Variants in ADH6 observed in about 807,000 individuals in gnomAD.
ADH6 encodes the protein alcohol dehydrogenase 6.
A neutral mutation model predicts 36.5 loss-of-function variants in ADH6; 34 were observed. The observed-to-expected ratio is 0.93, with a 90% CI of 0.71 to 1.24. The LOEUF is 1.24. Ranked by LOEUF, ADH6 falls within the 50% of genes most tolerant of loss-of-function variation. The probability of loss-of-function intolerance (pLI) is 0.00; values close to 1 mark genes in which losing one functional copy is unlikely to be tolerated. For missense variants in ADH6, 440 were observed against 447.0 expected (o/e 0.98, Z 0.14); for synonymous variants, 161 against 155.5 (o/e 1.04, Z -0.26).
intron 1 of ADH6, among the ~76,000 whole-genome samples, chr4:99,216,468 A>C (rs1195425717): frequency 6.6e-6 from 1 of 152,186 alleles, no homozygotes; most frequent in Non-Finnish European, 1.5e-5. Context: ...TATTCAAATT[A>C]GTTTTGAAAA....
Position 99,204,926 on chromosome 4 carries a change from A to G in ADH6, c.1102T>C (p.Cys368Arg), listed in dbSNP as rs1371102632. The G allele has an allele frequency of 3.1e-6, 5 of 1,605,926 alleles. No individual in the cohort carries two copies. The highest frequency in any genetic ancestry group is 1.7e-5 in the Admixed American group (1 of 58,864). The change falls in exon 8 of 9, where the codon TGT becomes CGT. Residue 368 changes from cysteine to arginine, a missense_variant and splice_region_variant. By Grantham distance (180) the Cys-to-Arg change is radical. Coordinates refer to ENST00000394899, the MANE Select transcript of ADH6 (RefSeq NM_001102470.2). Reference sequence around the variant, plus strand: ...ATAAAATTTATGTGGGCAGTTTACCATTTTCCAGTTTTCATTAATTCAACT... The same window carrying G: ...ATAAAATTTATGTGGGCAGTTTACCGTTTTCCAGTTTTCATTAATTCAACT... ...EAVELMKTGK[C>R]IRCILLL is the part of the protein sequence containing the mutation.
chr4:99,203,640 T>C lies in ADH6; in HGVS notation c.*579A>G, dbSNP rs1730928038. 6.6e-6 allele frequency: 1 copy of C among 152,018 alleles called. No individual in the cohort carries two copies. Among genetic ancestry groups the C allele is most frequent in the African/African-American group, 2.4e-5 (1 of 41,404 alleles). The allele number at this position is 152,018 out of a possible 1,614,324, so 9.4% of individuals were successfully genotyped here. On this transcript the variant is annotated 3_prime_UTR_variant, in exon 9 of 9. Coordinates refer to ENST00000394899, the MANE Select transcript of ADH6 (RefSeq NM_001102470.2). ...TCCCTAGGTGGCTTAGTTATGAAGA[T>C]GGGTACTATGAACTGCTGATAGTCA...
intron 5 of ADH6, 44 bp downstream of exon 5, chr4:99,210,038 A>G (rs778834849): frequency 1.9e-6 from 3 of 1,589,638 alleles, no homozygotes; most frequent in East Asian, 2.2e-5. Context: ...TTTCAACTCC[A>G]TATCCCAATA....
intron 5 of ADH6, among the ~76,000 whole-genome samples, chr4:99,209,737 A>G (rs1462817539): frequency 6.6e-6 from 1 of 152,170 alleles, no homozygotes; most frequent in Non-Finnish European, 1.5e-5. Flanking sequence ...TGGGACAGTG[A>G]ATGGCTCCGA....
chr4:99,205,901 CA>C (rs1731016311), intron 7 of ADH6, among the ~76,000 whole-genome samples: 1 of 152,078 alleles, frequency 6.6e-6, no homozygotes, highest in African/African-American at 2.4e-5. Flanking sequence ...TTAGGCTCCC[CA>C]ACTTCTTCTC....
intron 1 of ADH6, among the ~76,000 whole-genome samples, chr4:99,218,584 C>T (rs1304638684): frequency 2.0e-5 from 3 of 152,178 alleles, no homozygotes; most frequent in African/African-American, 7.2e-5. Flanking sequence ...TATTTCCTGT[C>T]ACTTTGTGTT....
Position 99,204,085 on chromosome 4 carries a change from C to G in ADH6, c.*134G>C. ...GTTAGGTCAGAAGCCAGATATAGGT[C>G]CACTGCGGAGTGAATCAGAAGTCAG... On this transcript the variant is annotated 3_prime_UTR_variant, in exon 9 of 9. Transcript: ENST00000394899. 9.4e-7 allele frequency: 1 copy of G among 1,067,694 alleles called. No homozygotes were observed. Among genetic ancestry groups the G allele is most frequent in the Non-Finnish European group, 1.3e-6 (1 of 754,606 alleles). 66.1% of individuals were successfully genotyped at this position (1,067,694 alleles called of 1,614,324 possible). A position where few individuals can be genotyped will look rare whatever the true frequency, so the allele number is the denominator to read the frequency against.
rs772094232 is a variant in ADH6, at chr4:99,210,066, T to C, written c.567+16A>G. Reference sequence around the variant, plus strand: ...TCCCAATAATTCCCTTCCAAATGGGTATAAATGCCCCTCACCTTGGCAGTA... The same window carrying C: ...TCCCAATAATTCCCTTCCAAATGGGCATAAATGCCCCTCACCTTGGCAGTA... On this transcript the variant is annotated intron_variant, in intron 5 of 8. Transcript: ENST00000394899. The C allele has an allele frequency of 2.5e-6, 4 of 1,610,582 alleles. No homozygotes were observed. The highest frequency in any genetic ancestry group is 1.1e-5 in the South Asian group (1 of 91,014).
chr4:99,205,166 C>G, intron 7 of ADH6, 103 bp from the exon 8 acceptor site: 1 of 1,287,154 alleles, frequency 7.8e-7, no homozygotes, highest in South Asian at 1.6e-5. Flanking sequence ...CTGAGAAAAT[C>G]TAAGCCTGTC....
chr4:99,213,652 A>G lies in ADH6; in HGVS notation c.216T>C (p.Ala72=). ...CTTCTCCAATACTCTCAACGATTCC[A>G]GCCCCTTCATGGCCCAAGATGGTGG... ...LYPTILGHEG[A]GIVESIGEGV... Residue 72 remains alanine, a synonymous_variant, in exon 3 of 9, where the codon GCT becomes GCC. Coordinates refer to ENST00000394899, the MANE Select transcript of ADH6 (RefSeq NM_001102470.2). The G allele has an allele frequency of 6.2e-7, 1 of 1,613,854 alleles. No individual in the cohort carries two copies. Among genetic ancestry groups the G allele is most frequent in the East Asian group, 2.2e-5 (1 of 44,860 alleles).
At chr4:99,206,882 A>G (rs1731055491) in intron 7 of ADH6, among the ~76,000 whole-genome samples, 1 of 152,182 alleles carries the variant, frequency 6.6e-6, no homozygotes, top group South Asian at 2.1e-4. Context: ...AAAGTCTATA[A>G]AAATGTTCCA....
Position 99,205,401 on chromosome 4 carries a change from G to A in ADH6, c.965-338C>T, listed in dbSNP as rs28720161. ...AAAGGCCAAGGTCTTGGGAATCATG[G>A]AAAGAAGCAATTCAAATGTTAAATA... On this transcript the variant is annotated intron_variant, in intron 7 of 8. Transcript: ENST00000394899. 1.4e-3 allele frequency among the ~76,000 whole-genome samples: 220 copies of A among 152,214 alleles called. 1 individual carries two copies. Among genetic ancestry groups the A allele is most frequent in the African/African-American group, 5.2e-3 (215 of 41,554 alleles).
intron 3 of ADH6, among the ~76,000 whole-genome samples, chr4:99,213,370 C>T (rs1327398991): frequency 6.6e-6 from 1 of 152,150 alleles, no homozygotes; most frequent in Admixed American, 6.5e-5. Flanking sequence ...CTTTCAAGTC[C>T]AGTTTCAGTG....
At chr4:99,204,269 G>A (rs1292643437) in intron 8 of ADH6, 26 bp from the exon 9 acceptor site, 1 of 1,595,718 alleles carries the variant, frequency 6.3e-7, no homozygotes, top group Admixed American at 1.7e-5. Flanking sequence ...AGAGAAAAAA[G>A]GTTGGAACAT....
chr4:99,212,776 TG>T (rs1378409097), intron 3 of ADH6, among the ~76,000 whole-genome samples: 6 of 152,058 alleles, frequency 3.9e-5, no homozygotes, highest in Non-Finnish European at 8.8e-5. Context: ...ACATGTATTT[TG>T]TTTGCCTTTT....
intron 3 of ADH6, among the ~76,000 whole-genome samples, chr4:99,211,541 A>G (rs772288078): frequency 4.6e-4 from 70 of 152,192 alleles, no homozygotes; most frequent in Non-Finnish European, 5.4e-4. Flanking sequence ...GATATCCTGC[A>G]CAAATCCCTA....
Position 99,219,230 on chromosome 4 carries a change from G to T in ADH6, c.-78C>A. On this transcript the variant is annotated 5_prime_UTR_variant, in exon 1 of 9. Coordinates refer to ENST00000394899, the MANE Select transcript of ADH6 (RefSeq NM_001102470.2). ...AACTTTCACTGTAGAAAGTACAAAG[G>T]TACACAGGCGACTGGTAGATCAGAA... 1.5e-6 allele frequency: 2 copies of T among 1,321,444 alleles called. No homozygotes were observed. Among genetic ancestry groups the T allele is most frequent in the Non-Finnish European group, 2.2e-6 (2 of 918,434 alleles). The allele number at this position is 1,321,444 out of a possible 1,614,324, so 81.9% of individuals were successfully genotyped here.
chr4:99,207,053 A>G (rs768124841), intron 7 of ADH6, among the ~76,000 whole-genome samples: 1 of 152,086 alleles, frequency 6.6e-6, no homozygotes, highest in Non-Finnish European at 1.5e-5. Context: ...TGTTTGGGAT[A>G]AGATTTTACA....
intron 1 of ADH6, among the ~76,000 whole-genome samples, chr4:99,218,888 G>A (rs1419844115): frequency 6.6e-6 from 1 of 151,990 alleles, no homozygotes; most frequent in Non-Finnish European, 1.5e-5. Context: ...TTGGAGAAGG[G>A]GATATATCTT....
Sources: allele counts gnomAD v4.1 joint callset (sites outside exome capture counted in the v4.1 genomes callset), GRCh38; gene constraint gnomAD v4.1.1; transcripts MANE v1.5; gene names NCBI Gene and HGNC (gene_info 2026-07-23, HGNC 2026-07-21).